Variants in TSHZ2 observed in about 807,000 individuals in gnomAD.
TSHZ2 encodes teashirt homolog 2.
TSHZ2 carries 21 observed loss-of-function variants against 74.4 expected under a neutral mutation model. That is an observed-to-expected ratio of 0.28 (90% CI 0.20 to 0.41). The LOEUF is 0.41. Ranked by LOEUF, TSHZ2 falls within the 10% of genes least tolerant of loss-of-function variation. The probability of loss-of-function intolerance (pLI) is 1.00; values close to 1 mark genes in which losing one functional copy is unlikely to be tolerated. For synonymous variants in TSHZ2, 540 were observed against 515.3 expected, an observed-to-expected ratio of 1.05 and a Z score of -0.65; for missense variants, 1,244 against 1,293.5, an observed-to-expected ratio of 0.96 and a Z score of 0.59.
chr20:53,345,347 G>C (rs1309316379), intron 2 of TSHZ2, among the ~76,000 whole-genome samples: 1 of 152,118 alleles, frequency 6.6e-6, no homozygotes. Flanking sequence ...CCTGGAAATA[G>C]CTCTTGGTGG....
chr20:53,435,458 G>A (rs1260057814), intron 2 of TSHZ2, among the ~76,000 whole-genome samples: 1 of 152,148 alleles, frequency 6.6e-6, no homozygotes, highest in Non-Finnish European at 1.5e-5. Flanking sequence ...ACGTATCTAT[G>A]TGAAAAAACA....
At chr20:53,462,181 G>A (rs1214734295) in intron 2 of TSHZ2, among the ~76,000 whole-genome samples, 1 of 152,198 alleles carries the variant, frequency 6.6e-6, no homozygotes, top group Non-Finnish European at 1.5e-5. Context: ...TTGAACCTGG[G>A]AGGCGGAGGT....
At chr20:53,158,305 G>A (rs1177035702) in intron 1 of TSHZ2, among the ~76,000 whole-genome samples, 4 of 152,172 alleles carry the variant, frequency 2.6e-5, no homozygotes, top group Non-Finnish European at 5.9e-5. Context: ...AGTAATGGAT[G>A]AGGCTAGAAG....
At chr20:53,250,901 TTGTGTGTGTGTGTGTG>T (rs11472057) in intron 1 of TSHZ2, among the ~76,000 whole-genome samples, 3 of 148,900 alleles carry the variant, frequency 2.0e-5, no homozygotes, top group Non-Finnish European at 4.5e-5. Flanking sequence ...GGTGGGCAGA[TTGTGTGTGTGTGTGTG>T]TGTGTGTGTG....
intron 1 of TSHZ2, among the ~76,000 whole-genome samples, chr20:53,130,040 G>A (rs908300462): frequency 6.6e-6 from 1 of 151,920 alleles, no homozygotes; most frequent in East Asian, 1.9e-4. Context: ...AAAGGGAAGG[G>A]GAGTGGCAGA....
intron 2 of TSHZ2, among the ~76,000 whole-genome samples, chr20:53,410,407 G>T (rs935797106): frequency 6.6e-6 from 1 of 151,974 alleles, no homozygotes; most frequent in Non-Finnish European, 1.5e-5. Flanking sequence ...GCAAATCAAG[G>T]CACCTGTAAG....
At chr20:53,235,854 GATAAA>G (rs530950995) in intron 1 of TSHZ2, among the ~76,000 whole-genome samples, 740 of 152,294 alleles carry the variant, frequency 4.9e-3, no homozygotes, top group Non-Finnish European at 8.3e-3. Flanking sequence ...AAGAATGAAA[GATAAA>G]ATAAAGTCTG....
At chr20:53,077,416 A>G (rs1423739943) in intron 1 of TSHZ2, among the ~76,000 whole-genome samples, 9 of 151,924 alleles carry the variant, frequency 5.9e-5, no homozygotes, top group Non-Finnish European at 1.2e-4. Context: ...ACCTCAAAAA[A>G]AAAAAAAAAA....
chr20:53,370,999 C>A (rs2145622239), intron 2 of TSHZ2, among the ~76,000 whole-genome samples: 1 of 152,296 alleles, frequency 6.6e-6, no homozygotes, highest in South Asian at 2.1e-4. Context: ...TGGCCTCTTC[C>A]AGCTTCTGGT....
intron 1 of TSHZ2, among the ~76,000 whole-genome samples, chr20:53,135,390 C>T (rs142299186): frequency 7.9e-5 from 12 of 152,190 alleles, no homozygotes; most frequent in South Asian, 2.1e-4. Flanking sequence ...GATAGAAGCC[C>T]GCAGTAATTA....
chr20:53,226,155 CACACAT>C (rs974267012), intron 1 of TSHZ2, among the ~76,000 whole-genome samples: 4 of 124,876 alleles, frequency 3.2e-5, no homozygotes, highest in African/African-American at 6.1e-5. Flanking sequence ...CACACACACA[CACACAT>C]GCACACAAAC....
chr20:53,003,341 G>A lies in TSHZ2; in HGVS notation c.40+30008G>A, dbSNP rs190641274. Among the ~76,000 whole-genome samples, 62 of 151,566 alleles carry A rather than the reference G, an allele frequency of 4.1e-4. 1 individual carries two copies. The highest frequency in any genetic ancestry group is 3.4e-3 in the Middle Eastern group (1 of 294). On this transcript the variant is annotated intron_variant, in intron 1 of 2. Transcript: ENST00000371497. The stretch of plus-strand genomic sequence containing the variant: ...AAGTCAGTGCACCTTCCTCGCAAGC[G>A]CTGGACAGCTCAGGATCTTATTTTG...
At chr20:53,179,378 A>G (rs1253463131) in intron 1 of TSHZ2, 1 of 152,214 alleles carries the variant, frequency 6.6e-6, no homozygotes, top group African/African-American at 2.4e-5. Context: ...ACTTCCAGCC[A>G]TCATGACTTA....
At chr20:53,034,404 T>G (rs1983748077) in intron 1 of TSHZ2, among the ~76,000 whole-genome samples, 3 of 152,206 alleles carry the variant, frequency 2.0e-5, no homozygotes. Flanking sequence ...ATCTACTCAC[T>G]GGGCATCTAC....
At chr20:53,401,641 G>A (rs1007683137) in intron 2 of TSHZ2, among the ~76,000 whole-genome samples, 63 of 151,090 alleles carry the variant, frequency 4.2e-4, no homozygotes, top group Non-Finnish European at 7.1e-4. Flanking sequence ...GAGAACATAC[G>A]ATGTGTGGTT....
chr20:53,247,707 G>A (rs2123708180), intron 1 of TSHZ2, among the ~76,000 whole-genome samples: 1 of 152,284 alleles, frequency 6.6e-6, no homozygotes, highest in South Asian at 2.1e-4. Context: ...GCATCTTCCT[G>A]TGACTTTAAA....
At chr20:53,367,076 A>T (rs1416399247) in intron 2 of TSHZ2, among the ~76,000 whole-genome samples, 4 of 152,138 alleles carry the variant, frequency 2.6e-5, no homozygotes, top group African/African-American at 9.7e-5. Context: ...ATGCCAAATA[A>T]TTCAGAATTT....
intron 2 of TSHZ2, among the ~76,000 whole-genome samples, chr20:53,363,656 C>T (rs931132939): frequency 6.6e-6 from 1 of 152,164 alleles, no homozygotes; most frequent in Non-Finnish European, 1.5e-5. Flanking sequence ...CAGATAGAAA[C>T]ATCTTTTGTG....
At chr20:53,358,355 T>C (rs1176709839) in intron 2 of TSHZ2, among the ~76,000 whole-genome samples, 1 of 101,122 alleles carries the variant, frequency 9.9e-6, no homozygotes, top group East Asian at 2.5e-4. Context: ...TTTTTTTTTT[T>C]TCCCAAACAG....
Sources: gnomAD v4.1 joint callset for allele counts (sites outside exome capture counted in the v4.1 genomes callset) on GRCh38, gnomAD v4.1.1 for gene constraint, MANE v1.5 for transcripts, NCBI Gene and HGNC (gene_info 2026-07-23, HGNC 2026-07-21) for gene names.